CMSS1: variants seen among roughly 807,000 people sequenced by gnomAD.
CMSS1 encodes cms1 ribosomal small subunit homolog.
Under a neutral mutation model 43.5 loss-of-function variants are expected in CMSS1, and 33 were observed. The observed-to-expected ratio is 0.76, with a 90% confidence interval of 0.57 to 1.01. The LOEUF (loss-of-function observed/expected upper bound fraction) is 1.01. Among genes scored for constraint, CMSS1 ranks in the 50% least tolerant of loss-of-function variants. The pLI is 0.00. For synonymous variants in CMSS1, 115 were observed against 117.2 expected (o/e 0.98, Z 0.12); for missense variants, 313 against 326.4 (o/e 0.96, Z 0.32).
At chr3:100,156,208 T>C (rs897659107) in intron 2 of CMSS1, among the ~76,000 whole-genome samples, 1 of 152,056 alleles carries the variant, frequency 6.6e-6, no homozygotes, top group African/African-American at 2.4e-5. Context: ...CACTGCAACG[T>C]TGAACTCCTG....
chr3:99,911,486 C>T (rs1706785688), intron 1 of CMSS1, among the ~76,000 whole-genome samples: 1 of 152,008 alleles, frequency 6.6e-6, no homozygotes, highest in Admixed American at 6.6e-5. Flanking sequence ...ACGAATGTCT[C>T]ATGGTCTCAG....
At chr3:99,839,464 C>G (rs900019809) in intron 1 of CMSS1, among the ~76,000 whole-genome samples, 1 of 152,180 alleles carries the variant, frequency 6.6e-6, no homozygotes, top group Non-Finnish European at 1.5e-5. Context: ...CAGGGAATTG[C>G]AGCTTCTCAG....
Position 99,821,805 on chromosome 3 carries a change from G to A in CMSS1, c.64+3762G>A, listed in dbSNP as rs189323295. ...GAGGGCCTGTAATCCCAGCACTTTG[G>A]GAGGCCAAGGTGGGCAGATCACCTG... On this transcript the variant is annotated intron_variant, in intron 1 of 9. Coordinates refer to ENST00000421999, the MANE Select transcript of CMSS1 (RefSeq NM_032359.4). Among the ~76,000 whole-genome samples, 235 of 152,260 alleles carry A rather than the reference G, an allele frequency of 1.5e-3. 3 individuals carry two copies. The highest frequency in any genetic ancestry group is 0.015 in the Admixed American group (229 of 15,292).
intron 1 of CMSS1, among the ~76,000 whole-genome samples, chr3:99,818,480 A>G (rs556107363): frequency 1.6e-4 from 25 of 152,354 alleles, no homozygotes; most frequent in South Asian, 1.5e-3. Flanking sequence ...CATCTGTAAA[A>G]TAATGATAAC....
chr3:100,108,738 A>G (rs115822758), intron 1 of CMSS1, among the ~76,000 whole-genome samples: 467 of 152,254 alleles, frequency 3.1e-3, no homozygotes, highest in African/African-American at 0.011. Context: ...TAAGTAAGCA[A>G]ATGAACAAAT....
chr3:100,036,567 A>G (rs1036937926), intron 1 of CMSS1, among the ~76,000 whole-genome samples: 1 of 152,272 alleles, frequency 6.6e-6, no homozygotes, highest in African/African-American at 2.4e-5. Flanking sequence ...TCTTTACAGT[A>G]GAATGCCTAC....
At chr3:99,889,698 A>G (rs1050280487) in intron 1 of CMSS1, among the ~76,000 whole-genome samples, 24 of 151,852 alleles carry the variant, frequency 1.6e-4, no homozygotes, top group African/African-American at 5.1e-4. Flanking sequence ...TCTACCTTGT[A>G]ATACATACTG....
chr3:99,838,885 CTG>C (rs1411100186), intron 1 of CMSS1, among the ~76,000 whole-genome samples: 2 of 152,160 alleles, frequency 1.3e-5, no homozygotes, highest in African/African-American at 4.8e-5. Context: ...CAGAAACCTT[CTG>C]TGAAGACACA....
intron 1 of CMSS1, among the ~76,000 whole-genome samples, chr3:100,052,285 C>T (rs941195122): frequency 1.1e-4 from 16 of 152,096 alleles, no homozygotes; most frequent in African/African-American, 2.2e-4. Flanking sequence ...AGTCCAGAAA[C>T]GAATAAAAAA....
chr3:100,036,349 C>T (rs1559734478), intron 1 of CMSS1, among the ~76,000 whole-genome samples: 1 of 152,074 alleles, frequency 6.6e-6, no homozygotes, highest in Non-Finnish European at 1.5e-5. Flanking sequence ...TTTCATGCCA[C>T]GATGTTAGGA....
intron 1 of CMSS1, among the ~76,000 whole-genome samples, chr3:99,980,085 A>G (rs187080105): frequency 1.1e-3 from 166 of 152,292 alleles, no homozygotes; most frequent in African/African-American, 3.8e-3. Flanking sequence ...GGTGTGCCTT[A>G]GAAATGATGA....
intron 1 of CMSS1, among the ~76,000 whole-genome samples, chr3:99,998,452 A>G (rs1014552255): frequency 1.3e-5 from 2 of 152,194 alleles, no homozygotes; most frequent in Non-Finnish European, 2.9e-5. Flanking sequence ...AAGAATGTAC[A>G]TTTTTGAGAT....
intron 1 of CMSS1, among the ~76,000 whole-genome samples, chr3:99,819,937 TAG>T (rs1314919927): frequency 1.3e-5 from 2 of 151,736 alleles, no homozygotes; most frequent in African/African-American, 2.4e-5. Flanking sequence ...GTATTTTTAG[TAG>T]AGACGGGGTT....
chr3:100,088,888 T>A, intron 1 of CMSS1, among the ~76,000 whole-genome samples: 1 of 152,170 alleles, frequency 6.6e-6, no homozygotes, highest in Non-Finnish European at 1.5e-5. Context: ...GATGTAAATG[T>A]TTGTTTTTTG....
At chr3:100,147,244 T>G (rs1439789781) in intron 2 of CMSS1, among the ~76,000 whole-genome samples, 183 bp downstream of exon 2, 1 of 151,730 alleles carries the variant, frequency 6.6e-6, no homozygotes, top group Non-Finnish European at 1.5e-5. Flanking sequence ...GCAAGTTCTG[T>G]TTTTTGCCCT....
intron 1 of CMSS1, among the ~76,000 whole-genome samples, chr3:99,941,295 C>T (rs572770880): frequency 6.6e-6 from 1 of 152,036 alleles, no homozygotes; most frequent in Admixed American, 6.5e-5. Context: ...AGTAGAAATA[C>T]AGGTTCACGA....
intron 1 of CMSS1, among the ~76,000 whole-genome samples, chr3:99,884,663 T>C (rs1040493913): frequency 6.6e-6 from 1 of 152,174 alleles, no homozygotes. Context: ...AGGAAATGAA[T>C]GAAAGGAAGT....
At chr3:100,051,059 A>G (rs2065363259) in intron 1 of CMSS1, among the ~76,000 whole-genome samples, 1 of 150,932 alleles carries the variant, frequency 6.6e-6, no homozygotes, top group African/African-American at 2.5e-5. Context: ...TAAAAGTGAT[A>G]TTTTATTAGT....
chr3:99,840,221 CTTTTTT>C (rs10935982), intron 1 of CMSS1, among the ~76,000 whole-genome samples: 2 of 102,138 alleles, frequency 2.0e-5, no homozygotes, highest in South Asian at 7.3e-4. Flanking sequence ...TTCGTAGAAT[CTTTTTT>C]TTTTTTTTTT....
Sources: allele counts gnomAD v4.1 joint callset (sites outside exome capture counted in the v4.1 genomes callset), GRCh38; gene constraint gnomAD v4.1.1; transcripts MANE v1.5; gene names NCBI Gene and HGNC (gene_info 2026-07-23, HGNC 2026-07-21).